Variants in RSPRY1 observed in about 807,000 individuals in gnomAD.
The protein encoded by RSPRY1 is RING finger and SPRY domain-containing protein 1.
Under a neutral mutation model 73.1 loss-of-function variants are expected in RSPRY1, and 23 were observed. The observed-to-expected ratio is 0.31, with a 90% CI of 0.23 to 0.45. The LOEUF (loss-of-function observed/expected upper bound fraction) is 0.45, where lower values mean the gene tolerates loss of function less well. Ranked by LOEUF, RSPRY1 falls within the 20% of genes least tolerant of loss-of-function variation. The probability of loss-of-function intolerance (pLI) is 1.00; values close to 1 mark genes in which losing one functional copy is unlikely to be tolerated. For synonymous variants in RSPRY1, 226 were observed against 251.4 expected (o/e 0.90, Z 0.95); for missense variants, 448 against 698.7 (o/e 0.64, Z 4.05).
chr16:57,211,639 T>C (rs1232887235), intron 4 of RSPRY1, among the ~76,000 whole-genome samples: 1 of 152,286 alleles, frequency 6.6e-6, no homozygotes, highest in East Asian at 1.9e-4. Context: ...TAATGATTAG[T>C]GTAACATTGG....
At chr16:57,186,554 G>C (rs1281604656) in intron 1 of RSPRY1, 103 bp downstream of exon 1, 1 of 153,044 alleles carries the variant, frequency 6.5e-6, no homozygotes, top group Non-Finnish European at 1.5e-5. Context: ...ACAGCCGCTC[G>C]AGCCTGGGGC....
intron 4 of RSPRY1, among the ~76,000 whole-genome samples, chr16:57,210,365 C>G (rs1222795948): frequency 2.6e-5 from 4 of 152,140 alleles, no homozygotes; most frequent in African/African-American, 9.7e-5. Flanking sequence ...TACGTGTAAG[C>G]CACTGTGCCC....
chr16:57,204,652 T>A lies in RSPRY1; in HGVS notation c.-7T>A. On this transcript the variant is annotated 5_prime_UTR_variant, in exon 2 of 15. Coordinates refer to ENST00000394420, the MANE Select transcript of RSPRY1 (RefSeq NM_133368.3). ...AAACAGTACTTGGAAAACTGAAAAC[T>A]ACCTAAATGATCGTCTTTGGTTGGG... The A allele has an allele frequency of 1.2e-6, 2 of 1,611,754 alleles. No individual in the cohort carries two copies. Among genetic ancestry groups the A allele is most frequent in the African/African-American group, 1.3e-5 (1 of 74,968 alleles).
chr16:57,213,379 A>G (rs1382278244), intron 5 of RSPRY1, among the ~76,000 whole-genome samples: 2 of 152,238 alleles, frequency 1.3e-5, no homozygotes, highest in African/African-American at 4.8e-5. Flanking sequence ...GAGAAAAGCT[A>G]AATTCAGCAT....
At position 57,230,705 on chromosome 16, in the gene RSPRY1, C is replaced by G. The variant is rs369535247; in HGVS notation, c.1274-6C>G. ...TATCCTAACAGTGTTTCTCTTTATC[C>G]TCTAGGAGATACAGTAGGATTTCTG... On this transcript the variant is annotated splice_polypyrimidine_tract_variant and splice_region_variant and intron_variant, in intron 11 of 14. Coordinates refer to ENST00000394420, the MANE Select transcript of RSPRY1 (RefSeq NM_133368.3). 1.0e-5 allele frequency: 15 copies of G among 1,498,616 alleles called. No individual in the cohort carries two copies. Among genetic ancestry groups the G allele is most frequent in the Non-Finnish European group, 1.2e-5 (13 of 1,077,036 alleles). The allele number at this position is 1,498,616 out of a possible 1,614,324, so 92.8% of individuals were successfully genotyped here. A position where few individuals can be genotyped will look rare whatever the true frequency, so the allele number is the denominator to read the frequency against.
intron 1 of RSPRY1, among the ~76,000 whole-genome samples, chr16:57,189,197 G>C (rs1171539076): frequency 6.6e-6 from 1 of 151,938 alleles, no homozygotes; most frequent in Non-Finnish European, 1.5e-5. Flanking sequence ...GTTTCACCGT[G>C]TTGGTCAGGC....
intron 1 of RSPRY1, among the ~76,000 whole-genome samples, chr16:57,202,932 T>C (rs1460363668): frequency 1.3e-5 from 2 of 148,712 alleles, no homozygotes; most frequent in Non-Finnish European, 1.5e-5. Flanking sequence ...TCTCCATTTT[T>C]CTCTTTTTCT....
At chr16:57,228,177 G>T (rs2075148158) in intron 11 of RSPRY1, among the ~76,000 whole-genome samples, 2 of 151,504 alleles carry the variant, frequency 1.3e-5, no homozygotes. Flanking sequence ...GGAGGCTGAG[G>T]CAGGAGAATC....
intron 11 of RSPRY1, 51 bp from the exon 12 acceptor site, chr16:57,230,660 A>G (rs369596867): frequency 3.0e-6 from 3 of 1,015,742 alleles, no homozygotes; most frequent in Non-Finnish European, 4.6e-6. Context: ...TTAGCAAAGA[A>G]TCCTGGTAGT....
At chr16:57,227,586 A>C in intron 11 of RSPRY1, 133 bp downstream of exon 11, 1 of 659,732 alleles carries the variant, frequency 1.5e-6, no homozygotes, top group Non-Finnish European at 2.7e-6. Context: ...CTTTTGTGTC[A>C]CTGCCAAGGA....
intron 1 of RSPRY1, among the ~76,000 whole-genome samples, chr16:57,202,512 A>G (rs2074637606): frequency 6.6e-6 from 1 of 152,230 alleles, no homozygotes; most frequent in South Asian, 2.1e-4. Context: ...TCTACCCTCT[A>G]AAGCGAATCA....
chr16:57,234,019 T>C (rs1228701433), intron 13 of RSPRY1, among the ~76,000 whole-genome samples: 2 of 152,226 alleles, frequency 1.3e-5, no homozygotes, highest in Admixed American at 1.3e-4. Flanking sequence ...TCTTATTCAC[T>C]GAACGGAAAA....
chr16:57,217,836 C>A (rs1417946933), intron 8 of RSPRY1, among the ~76,000 whole-genome samples: 1 of 152,210 alleles, frequency 6.6e-6, no homozygotes, highest in Non-Finnish European at 1.5e-5. Context: ...TAAATCCACC[C>A]CCACTGTTAC....
rs1198145788 is a variant in RSPRY1 at position 57,230,807 on chromosome 16, C to G, written c.1370C>G (p.Ser457Cys). The G allele has an allele frequency of 6.3e-7, 1 of 1,587,776 alleles. No individual in the cohort carries two copies. The highest frequency in any genetic ancestry group is 1.3e-5 in the African/African-American group (1 of 74,428). Residue 457 changes from serine (S) to cysteine (C), a missense_variant, in exon 12 of 15, where the codon TCT (serine) becomes TGT (cysteine). By Grantham distance (112) the Ser-to-Cys change is moderately radical. Transcript: ENST00000394420. ...QLPPEKQVFS[S>C]TVSGFFAAAS... Reference sequence around the variant, plus strand: ...CCTCCTGAAAAGCAAGTCTTTTCATCTACTGTGTAAGTAGCTCTTCTCAGT... The same window carrying G: ...CCTCCTGAAAAGCAAGTCTTTTCATGTACTGTGTAAGTAGCTCTTCTCAGT...
chr16:57,227,408 T>C lies in RSPRY1; in HGVS notation c.1228T>C (p.Tyr410His). ...TGATGGCTGCCGGCAGCTGATTTGG[T>C]ACAATGCCAGAAGTAAGCCTCACAT... Reference protein sequence around the residue: ...AYDGCRQLIWYNARSKPHIHP... With the variant: ...AYDGCRQLIWHNARSKPHIHP... Residue 410 changes from tyrosine to histidine, a missense_variant, in exon 11 of 15, where the codon TAC (tyrosine) becomes CAC (histidine). Coordinates refer to ENST00000394420, the MANE Select transcript of RSPRY1 (RefSeq NM_133368.3). 1 of 1,614,114 alleles carries C rather than the reference T, an allele frequency of 6.2e-7. No homozygotes were observed. The highest frequency in any genetic ancestry group is 8.5e-7 in the Non-Finnish European group (1 of 1,179,976).
intron 1 of RSPRY1, among the ~76,000 whole-genome samples, chr16:57,192,879 C>G (rs769589350): frequency 1.4e-4 from 21 of 152,022 alleles, no homozygotes; most frequent in Non-Finnish European, 2.4e-4. Context: ...GCCACTCTGG[C>G]TAATTTGTGT....
intron 1 of RSPRY1, among the ~76,000 whole-genome samples, chr16:57,199,904 T>TC (rs1244063682): frequency 4.7e-5 from 7 of 149,704 alleles, no homozygotes; most frequent in African/African-American, 1.7e-4. Flanking sequence ...TGTTTTTTTT[T>TC]TTCTTTTTCT....
At chr16:57,211,281 A>AG (rs1413540820) in intron 4 of RSPRY1, among the ~76,000 whole-genome samples, 225 of 151,622 alleles carry the variant, frequency 1.5e-3, no homozygotes, top group African/African-American at 4.7e-3. Context: ...AAAAAAAAAA[A>AG]AAAGAAAGCC....
At chr16:57,221,941 A>G (rs2146327542) in intron 10 of RSPRY1, among the ~76,000 whole-genome samples, 1 of 152,372 alleles carries the variant, frequency 6.6e-6, no homozygotes, top group South Asian at 2.1e-4. Context: ...TAGAGTAAGT[A>G]GCATTGAAGG....
Sources: allele counts gnomAD v4.1 joint callset (sites outside exome capture counted in the v4.1 genomes callset), GRCh38; gene constraint gnomAD v4.1.1; transcripts MANE v1.5; gene names NCBI Gene and HGNC (gene_info 2026-07-23, HGNC 2026-07-21).